SLC26A4: variants seen among roughly 807,000 people sequenced by gnomAD.
The protein encoded by SLC26A4 is solute carrier family 26 member 4.
A neutral mutation model predicts 90.4 loss-of-function variants in SLC26A4; 93 were observed. That is an observed-to-expected ratio of 1.03 (90% CI 0.87 to 1.22). SLC26A4 has a LOEUF of 1.22. Among genes scored for constraint, SLC26A4 ranks in the 50% most tolerant of loss-of-function variants. SLC26A4 has a pLI of 0.00. For synonymous variants in SLC26A4, 393 were observed against 354.6 expected, an observed-to-expected ratio of 1.11 and a Z score of -1.22; for missense variants, 1,127 against 946.2, an observed-to-expected ratio of 1.19 and a Z score of -2.51.
At chr7:107,706,236 T>C (rs1014892747) in intron 18 of SLC26A4, among the ~76,000 whole-genome samples, 1 of 152,206 alleles carries the variant, frequency 6.6e-6, no homozygotes, top group African/African-American at 2.4e-5. Context: ...CTTGGCCTGA[T>C]TGATTATTTA....
intron 3 of SLC26A4, among the ~76,000 whole-genome samples, chr7:107,666,072 G>A (rs1345965680): frequency 6.6e-6 from 1 of 152,172 alleles, no homozygotes; most frequent in Non-Finnish European, 1.5e-5. Context: ...ACAGGCACAG[G>A]TGCTGACTTC....
At chr7:107,699,574 G>A (rs114035927) in intron 14 of SLC26A4, among the ~76,000 whole-genome samples, 2,057 of 152,188 alleles carry the variant, frequency 0.014, 35 homozygotes, top group African/African-American at 0.047. Context: ...TTCTAACTTT[G>A]ACCTTCTATG....
chr7:107,694,033 T>C (rs1422714852), intron 10 of SLC26A4, among the ~76,000 whole-genome samples: 3 of 152,140 alleles, frequency 2.0e-5, no homozygotes, highest in Non-Finnish European at 4.4e-5. Context: ...ATCTCTGTTG[T>C]TGGGAAAGGG....
At chr7:107,705,648 T>A (rs539002142) in intron 18 of SLC26A4, among the ~76,000 whole-genome samples, 1 of 152,050 alleles carries the variant, frequency 6.6e-6, no homozygotes, top group Non-Finnish European at 1.5e-5. Flanking sequence ...ACTGGTTAAA[T>A]TAAAGCAGAA....
In SLC26A4 at chr7:107,671,167, T is replaced by C. The variant is rs1340853019; in HGVS notation, c.305-971T>C. 8.5e-5 allele frequency among the ~76,000 whole-genome samples: 13 copies of C among 152,302 alleles called. No homozygotes were observed. In the East Asian group the frequency reaches 2.3e-3, roughly 27 times the overall value. On this transcript the variant is annotated intron_variant, in intron 3 of 20. Transcript: ENST00000644269. ...TTGGAGTGAATTGACCAAAACTTTT[T>C]TTTTTCTTTTTTAGACATAAGGTCT...
intron 2 of SLC26A4, chr7:107,662,271 G>A (rs1790581447): frequency 6.2e-6 from 1 of 162,010 alleles, no homozygotes; most frequent in African/African-American, 2.4e-5. Context: ...GGGGAGCGCG[G>A]GGTGTGCCAA....
At chr7:107,701,728 ACC>A in intron 16 of SLC26A4, 97 bp from the exon 17 acceptor site, 1 of 829,840 alleles carries the variant, frequency 1.2e-6, no homozygotes, top group Non-Finnish European at 2.0e-6. Flanking sequence ...TGTCTTGCTT[ACC>A]AAGGAACAGT....
Position 107,661,219 on chromosome 7 carries a change from G to A in SLC26A4, c.-4+364G>A. ...GCGTCCCGGGTCAGGTGCGGGGAGG[G>A]AGGGAATCTCAGTGTCCCCTTCCAG... is the stretch of plus-strand genomic sequence containing the variant. On this transcript the variant is annotated intron_variant, in intron 1 of 20. Coordinates refer to ENST00000644269, the MANE Select transcript of SLC26A4 (RefSeq NM_000441.2). The surrounding 1 kb of genome is among the most constrained non-coding windows in gnomAD (Gnocchi z 5.1). 1 of 228,952 alleles carries A rather than the reference G, an allele frequency of 4.4e-6. No homozygotes were observed. The highest frequency in any genetic ancestry group is 6.0e-5 in the South Asian group (1 of 16,798). The allele number at this position is 228,952 out of a possible 1,614,324, so 14.2% of individuals were successfully genotyped here. A position where few individuals can be genotyped will look rare whatever the true frequency, so the allele number is the denominator to read the frequency against.
chr7:107,716,056 G>A lies in SLC26A4; in HGVS notation c.*610G>A, dbSNP rs1386593728. 6.6e-6 allele frequency: 1 copy of A among 152,178 alleles called. No homozygotes were observed. Among genetic ancestry groups the A allele is most frequent in the African/African-American group, 2.4e-5 (1 of 41,410 alleles). The allele number at this position is 152,178 out of a possible 1,614,324, so 9.4% of individuals were successfully genotyped here. A position where few individuals can be genotyped will look rare whatever the true frequency, so the allele number is the denominator to read the frequency against. ...GATCCTGGAAATGGTTTACCTAAAA[G>A]CTACAGAACCAGGCCAATATATTTT... On this transcript the variant is annotated 3_prime_UTR_variant, in exon 21 of 21. Transcript: ENST00000644269.
chr7:107,689,284 A>G, intron 9 of SLC26A4, 84 bp downstream of exon 9: 1 of 1,431,360 alleles, frequency 7.0e-7, no homozygotes, highest in Non-Finnish European at 9.8e-7. Context: ...GGTGTCAGCT[A>G]AAGAAGGGGT....
At position 107,661,677 on chromosome 7, in the gene SLC26A4, G is replaced by C. The variant is rs1248775865; in HGVS notation, c.36G>C (p.Gln12His). The change falls in exon 2 of 21, where the codon CAG (glutamine) becomes CAC (histidine). Residue 12 changes from glutamine to histidine, a missense_variant. By Grantham distance (24) the Gln-to-His change is conservative. Coordinates refer to ENST00000644269, the MANE Select transcript of SLC26A4 (RefSeq NM_000441.2). The surrounding 1 kb of genome is among the most constrained non-coding windows in gnomAD (Gnocchi z 5.1). ...AAPGGRSEPP[Q>H]LPEYSCSYMV... ...CAGGCGGCAGGTCGGAGCCGCCGCA[G>C]CTCCCCGAGTACAGCTGCAGCTACA... 1 of 1,571,660 alleles carries C rather than the reference G, an allele frequency of 6.4e-7. No homozygotes were observed.
chr7:107,694,257 C>A, intron 10 of SLC26A4, 146 bp from the exon 11 acceptor site: 1 of 715,140 alleles, frequency 1.4e-6, no homozygotes, highest in Non-Finnish European at 2.5e-6. Flanking sequence ...ATAACTATCA[C>A]TTTTCTCGAC....
rs766247366 is a variant in SLC26A4 at position 107,694,732 on chromosome 7, CCTATA to C, written c.1437+17_1437+21del. The stretch of plus-strand genomic sequence containing the variant: ...GATTGATGCTGTAAGTCACCTACCA[CCTATA>C]TTTATCTGAAATAAGATTTGGTTCT... On this transcript the variant is annotated intron_variant, in intron 12 of 20. Transcript: ENST00000644269. 5.9e-6 allele frequency: 9 copies of C among 1,524,398 alleles called. No individual in the cohort carries two copies. The South Asian group carries it at 1.0e-4, about 17-fold the overall frequency. 94.4% of individuals were successfully genotyped at this position (1,524,398 alleles called of 1,614,324 possible).
intron 9 of SLC26A4, 116 bp downstream of exon 9, chr7:107,689,316 AT>A (rs1033695830): frequency 1.0e-5 from 11 of 1,075,358 alleles, no homozygotes; most frequent in African/African-American, 1.6e-5. Context: ...ACCAGACCTT[AT>A]TGGGTTGGTT....
Position 107,715,765 on chromosome 7 carries a change from G to A in SLC26A4, c.*319G>A, listed in dbSNP as rs1792330200. The A allele has an allele frequency of 4.8e-6, 2 of 413,958 alleles. No individual in the cohort carries two copies. The highest frequency in any genetic ancestry group is 3.9e-5 in the African/African-American group (2 of 50,716). The allele number at this position is 413,958 out of a possible 1,614,324, so 25.6% of individuals were successfully genotyped here. On this transcript the variant is annotated 3_prime_UTR_variant, in exon 21 of 21. Coordinates refer to ENST00000644269, the MANE Select transcript of SLC26A4 (RefSeq NM_000441.2). ...TCTCTGTTCAGTTAGAGTGAGTGCTGACCCAACAGCCTCTGTGGTCAAGCG... is the reference window on the plus strand; with the variant it reads ...TCTCTGTTCAGTTAGAGTGAGTGCTAACCCAACAGCCTCTGTGGTCAAGCG...
At chr7:107,710,573 C>T (rs974266287) in intron 19 of SLC26A4, among the ~76,000 whole-genome samples, 1 of 152,064 alleles carries the variant, frequency 6.6e-6, no homozygotes, top group Admixed American at 6.5e-5. Flanking sequence ...TCTGGAAAAC[C>T]TTGAATTATA....
rs1204265531 is a variant in SLC26A4, at chr7:107,661,618, T to C, written c.-3-21T>C. On this transcript the variant is annotated intron_variant, in intron 1 of 20. Transcript: ENST00000644269. This position sits in a 1 kb window ranked among gnomAD's most constrained non-coding sequence, Gnocchi z 5.1. Reference sequence around the variant, plus strand: ...CTCGCTTACCGCGTGTCCTCCCTCCTCGCTGTCCTCTGGCTCGCAGGTCAT... The same window carrying C: ...CTCGCTTACCGCGTGTCCTCCCTCCCCGCTGTCCTCTGGCTCGCAGGTCAT... 6.5e-7 allele frequency: 1 copy of C among 1,548,182 alleles called. No homozygotes were observed. The highest frequency in any genetic ancestry group is 1.4e-5 in the African/African-American group (1 of 73,734).
In SLC26A4 at chr7:107,677,480, G is replaced by C. The variant is rs188665879; in HGVS notation, c.765+2371G>C. ...ATCACAGATGAATAGACCTCATGAA[G>C]CTCGCCGTTCATTTCCTCGGGACCC... On this transcript the variant is annotated intron_variant, in intron 6 of 20. Transcript: ENST00000644269. Among the ~76,000 whole-genome samples the C allele has an allele frequency of 1.4e-3, 207 of 152,148 alleles. 1 individual carries two copies. Among genetic ancestry groups the C allele is most frequent in the African/African-American group, 4.6e-3 (191 of 41,496 alleles).
intron 15 of SLC26A4, 72 bp downstream of exon 15, chr7:107,700,247 T>C: frequency 1.3e-6 from 1 of 794,346 alleles, no homozygotes; most frequent in South Asian, 1.4e-5. Flanking sequence ...AAGTATTTAC[T>C]GGGGTCCAAT....
Sources: gnomAD v4.1 joint callset for allele counts (sites outside exome capture counted in the v4.1 genomes callset) on GRCh38, gnomAD v4.1.1 for gene constraint, Gnocchi (gnomAD v3.1) non-coding constraint, MANE v1.5 for transcripts, NCBI Gene and HGNC (gene_info 2026-07-23, HGNC 2026-07-21) for gene names.